NHSL2: variants seen among roughly 807,000 people sequenced by gnomAD.
NHSL2 encodes the protein NHS-like protein 2.
A neutral mutation model predicts 53.4 loss-of-function variants in NHSL2; 27 were observed. The observed-to-expected ratio is 0.51, with a 90% CI of 0.37 to 0.70. NHSL2 has a LOEUF of 0.70. NHSL2 is among the 30% of genes least tolerant of loss of function. The pLI is 0.00. For missense variants in NHSL2, 892 were observed against 980.1 expected, an observed-to-expected ratio of 0.91 and a Z score of 1.20; for synonymous variants, 408 against 404.1, an observed-to-expected ratio of 1.01 and a Z score of -0.12.
chrX:71,969,272 T>A (rs759100465), intron 1 of NHSL2, among the ~76,000 whole-genome samples: 4 of 111,125 alleles, frequency 3.6e-5, no homozygotes, highest in East Asian at 2.8e-4. Context: ...CCTTTTTTTT[T>A]ATGCTTTTGT....
At chrX:72,117,544 T>G (rs1172734134) in intron 1 of NHSL2, among the ~76,000 whole-genome samples, 2 of 109,232 alleles carry the variant, frequency 1.8e-5, no homozygotes, top group Non-Finnish European at 3.8e-5. Flanking sequence ...TTAGAACAAT[T>G]TTTCATCCCA....
intron 1 of NHSL2, among the ~76,000 whole-genome samples, chrX:72,076,588 G>A (rs781136105): frequency 3.2e-4 from 36 of 111,792 alleles, no homozygotes; most frequent in African/African-American, 1.1e-3. Context: ...GGTCATGGCC[G>A]TACAGCCATT....
intron 1 of NHSL2, chrX:72,080,214 C>T (rs750682662): frequency 8.9e-6 from 1 of 112,108 alleles, no homozygotes; most frequent in African/African-American, 3.2e-5. Context: ...TGGTTATCCA[C>T]ACCGCTGGGA....
intron 1 of NHSL2, among the ~76,000 whole-genome samples, chrX:72,012,910 A>G (rs1413213548): frequency 8.9e-6 from 1 of 112,416 alleles, no homozygotes; most frequent in African/African-American, 3.2e-5. Flanking sequence ...CTGTCCCTCC[A>G]CCAATACTAC....
chrX:71,973,502 A>T (rs779420797), intron 1 of NHSL2, among the ~76,000 whole-genome samples: 20 of 111,480 alleles, frequency 1.8e-4, no homozygotes, highest in Non-Finnish European at 2.1e-4. Flanking sequence ...AGAACTGTGG[A>T]GCTCTCCATC....
At position 72,016,687 on chromosome X, in the gene NHSL2, C is replaced by G. The variant is rs145935126; in HGVS notation, c.280+105320C>G. On this transcript the variant is annotated intron_variant, in intron 1 of 7. Coordinates refer to ENST00000633930, the MANE Select transcript of NHSL2 (RefSeq NM_001013627.3). ...ACACACACACACACAAACACACACACAGAGACACACACATTTGTGTCTGTG... is the reference window on the plus strand; with the variant it reads ...ACACACACACACACAAACACACACAGAGAGACACACACATTTGTGTCTGTG... 5.8e-3 allele frequency among the ~76,000 whole-genome samples: 648 copies of G among 111,303 alleles called. 5 individuals are homozygous for G. Among genetic ancestry groups the G allele is most frequent in the African/African-American group, 0.02 (611 of 30,420 alleles).
At chrX:71,978,321 G>A (rs1296403187) in intron 1 of NHSL2, among the ~76,000 whole-genome samples, 2 of 111,829 alleles carry the variant, frequency 1.8e-5, no homozygotes, top group African/African-American at 3.2e-5. Context: ...TTGGACTGCC[G>A]TCATATCCCT....
intron 1 of NHSL2, among the ~76,000 whole-genome samples, chrX:71,989,833 A>G (rs2042019583): frequency 8.9e-6 from 1 of 112,174 alleles, no homozygotes; most frequent in Non-Finnish European, 1.9e-5. Flanking sequence ...GGGTTTGCTG[A>G]TTCAGTTGCA....
intron 6 of NHSL2, among the ~76,000 whole-genome samples, chrX:72,141,549 C>T (rs952672011): frequency 2.6e-4 from 29 of 111,554 alleles, no homozygotes; most frequent in African/African-American, 9.1e-4. Flanking sequence ...CCTCCTTCTC[C>T]CTCCCCGCAG....
At chrX:72,137,823 T>A (rs1340959093) in intron 5 of NHSL2, among the ~76,000 whole-genome samples, 1 of 112,164 alleles carries the variant, frequency 8.9e-6, no homozygotes, top group African/African-American at 3.2e-5. Flanking sequence ...CAAATTCTCA[T>A]AGCAGTAGTA....
intron 1 of NHSL2, among the ~76,000 whole-genome samples, chrX:72,089,646 G>C (rs2041879799): frequency 9.0e-6 from 1 of 110,982 alleles, no homozygotes. Flanking sequence ...GGCAGTGGGA[G>C]AAAAGGTGAG....
chrX:72,124,663 C>A (rs1187628641), intron 1 of NHSL2, among the ~76,000 whole-genome samples: 1 of 111,313 alleles, frequency 9.0e-6, no homozygotes, highest in Non-Finnish European at 1.9e-5. Flanking sequence ...AGAGCATGGG[C>A]TCTGGATGTC....
intron 1 of NHSL2, among the ~76,000 whole-genome samples, chrX:72,009,567 TTCAGTTTGTTACCTTC>T (rs1156846493): frequency 3.5e-5 from 4 of 112,726 alleles, no homozygotes; most frequent in South Asian, 3.6e-4. Flanking sequence ...TTCAGTATGT[TTCAGTTTGTTACCTTC>T]TCAGTTTGTT....
At chrX:72,037,500 G>A (rs908439861) in intron 1 of NHSL2, among the ~76,000 whole-genome samples, 1 of 111,630 alleles carries the variant, frequency 9.0e-6, no homozygotes, top group South Asian at 3.7e-4. Flanking sequence ...TTAGTTTTTG[G>A]AGTCCTTGCA....
chrX:72,102,882 G>A (rs1350418980), intron 1 of NHSL2, among the ~76,000 whole-genome samples: 2 of 111,996 alleles, frequency 1.8e-5, no homozygotes, highest in Non-Finnish European at 3.8e-5. Context: ...AGCAATGGAG[G>A]TGAACACCAG....
chrX:72,144,601 T>C lies in NHSL2; in HGVS notation c.*1027T>C. On this transcript the variant is annotated 3_prime_UTR_variant, in exon 8 of 8. Coordinates refer to ENST00000633930, the MANE Select transcript of NHSL2 (RefSeq NM_001013627.3). ...GTGGTTTGTGGTTGGTTTGGTTTTG[T>C]TTAAAGGAAGTCCGACTCTGTTCCA... is the stretch of plus-strand genomic sequence containing the variant. The C allele has an allele frequency of 1.1e-6, 1 of 948,664 alleles. No homozygotes were observed. Among genetic ancestry groups the C allele is most frequent in the Non-Finnish European group, 1.4e-6 (1 of 707,394 alleles). The allele number at this position is 948,664 out of a possible 1,213,427, so 78.2% of individuals were successfully genotyped here. A position where few individuals can be genotyped will look rare whatever the true frequency, so the allele number is the denominator to read the frequency against.
At chrX:71,999,890 A>G in intron 1 of NHSL2, among the ~76,000 whole-genome samples, 1 of 112,282 alleles carries the variant, frequency 8.9e-6, no homozygotes, top group South Asian at 3.7e-4. Flanking sequence ...TCATTTAGGA[A>G]CTGCACTTGC....
intron 1 of NHSL2, among the ~76,000 whole-genome samples, chrX:71,968,660 G>A (rs2041911839): frequency 1.8e-5 from 2 of 111,628 alleles, no homozygotes; most frequent in African/African-American, 6.5e-5. Context: ...GAGTTTTATA[G>A]TTTTAGCTTT....
In NHSL2 at chrX:72,142,217, G is replaced by GT; in HGVS notation, c.3224-9dup. On this transcript the variant is annotated splice_polypyrimidine_tract_variant and intron_variant, in intron 6 of 7. Coordinates refer to ENST00000633930, the MANE Select transcript of NHSL2 (RefSeq NM_001013627.3). Reference sequence around the variant, plus strand: ...ACTGTGGTCAAAGTCATTCCTTTTGGTTTTTTATGTCTAGGGAGTTCTGTG... The same window carrying GT: ...ACTGTGGTCAAAGTCATTCCTTTTGGTTTTTTTATGTCTAGGGAGTTCTGTG... 8.7e-7 allele frequency: 1 copy of GT among 1,154,114 alleles called. No homozygotes were observed. The highest frequency in any genetic ancestry group is 1.2e-6 in the Non-Finnish European group (1 of 864,304).
Sources: allele counts gnomAD v4.1 joint callset (sites outside exome capture counted in the v4.1 genomes callset), GRCh38; gene constraint gnomAD v4.1.1; transcripts MANE v1.5; gene names NCBI Gene and HGNC (gene_info 2026-07-23, HGNC 2026-07-21).